Variants in BMP5 observed in about 807,000 individuals in gnomAD.
The protein encoded by BMP5 is bone morphogenetic protein 5.
In BMP5, 23 loss-of-function variants were observed where a neutral mutation model predicts 46.6. That is an observed-to-expected ratio of 0.49 (90% CI 0.35 to 0.70). The LOEUF is 0.70. BMP5 is among the 30% of genes least tolerant of loss of function. The pLI, the probability that BMP5 is intolerant of heterozygous loss-of-function variation, is 0.00. For missense variants in BMP5, 545 were observed against 565.6 expected (o/e 0.96, Z 0.37); for synonymous variants, 204 against 191.9 (o/e 1.06, Z -0.52).
intron 4 of BMP5, among the ~76,000 whole-genome samples, 185 bp from the exon 5 acceptor site, chr6:55,760,718 TTTC>T (rs1208771096): frequency 2.6e-5 from 4 of 151,966 alleles, no homozygotes; most frequent in Non-Finnish European, 4.4e-5. Flanking sequence ...TTGTCCTGAG[TTTC>T]TTCTTCTGTG....
chr6:55,791,030 A>G (rs1369134108), intron 3 of BMP5, among the ~76,000 whole-genome samples: 1 of 152,250 alleles, frequency 6.6e-6, no homozygotes, highest in African/African-American at 2.4e-5. Context: ...TAGTTTACAA[A>G]TGAATTTGAA....
chr6:55,813,741 T>C (rs1225868693), intron 2 of BMP5, among the ~76,000 whole-genome samples: 1 of 149,410 alleles, frequency 6.7e-6, no homozygotes, highest in Non-Finnish European at 1.5e-5. Context: ...GAGCAGAGAT[T>C]GCGCCACTGC....
intron 3 of BMP5, among the ~76,000 whole-genome samples, chr6:55,779,410 G>A (rs546090075): frequency 1.3e-5 from 2 of 151,956 alleles, no homozygotes; most frequent in Non-Finnish European, 2.9e-5. Context: ...AGTCAAATCA[G>A]TGTATTATCT....
At chr6:55,773,911 G>T in intron 4 of BMP5, 138 bp downstream of exon 4, 1 of 941,088 alleles carries the variant, frequency 1.1e-6, no homozygotes, top group Non-Finnish European at 1.7e-6. Flanking sequence ...AACATTCTGG[G>T]ATGCTAGAAA....
Position 55,772,661 on chromosome 6 carries a change from A to T in BMP5, c.1027+1388T>A, listed in dbSNP as rs1487665667. Reference sequence around the variant, plus strand: ...AACTAAATATCTTGTGAATATCTTTAAAAAATAGCGTTGTAATAAGGCACT... The same window carrying T: ...AACTAAATATCTTGTGAATATCTTTTAAAAATAGCGTTGTAATAAGGCACT... On this transcript the variant is annotated intron_variant, in intron 4 of 6. Transcript: ENST00000370830. 3 of 699,818 alleles carry T rather than the reference A, an allele frequency of 4.3e-6. No individual in the cohort carries two copies. The South Asian group carries it at 1.9e-4, about 45-fold the overall frequency. The allele number at this position is 699,818 out of a possible 1,614,324, so 43.4% of individuals were successfully genotyped here.
At chr6:55,810,050 T>A (rs1366808428) in intron 2 of BMP5, among the ~76,000 whole-genome samples, 1 of 152,178 alleles carries the variant, frequency 6.6e-6, no homozygotes, top group Non-Finnish European at 1.5e-5. Flanking sequence ...TTCAAGAGAC[T>A]ACAAATTAAT....
chr6:55,757,534 C>A (rs945653888), intron 6 of BMP5, among the ~76,000 whole-genome samples: 1 of 151,874 alleles, frequency 6.6e-6, no homozygotes, highest in Non-Finnish European at 1.5e-5. Flanking sequence ...AGTTTGAATG[C>A]AAAACATCCA....
At chr6:55,817,903 A>G (rs1776315399) in intron 2 of BMP5, among the ~76,000 whole-genome samples, 1 of 152,168 alleles carries the variant, frequency 6.6e-6, no homozygotes, top group African/African-American at 2.4e-5. Context: ...CATAATGGAA[A>G]CCCTGATGAG....
At chr6:55,856,009 G>C (rs930917436) in intron 1 of BMP5, among the ~76,000 whole-genome samples, 2 of 152,128 alleles carry the variant, frequency 1.3e-5, no homozygotes, top group Admixed American at 6.5e-5. Flanking sequence ...ATACAGAATA[G>C]TTCCATTACC....
At chr6:55,840,768 T>G (rs2127545421) in intron 1 of BMP5, among the ~76,000 whole-genome samples, 1 of 152,334 alleles carries the variant, frequency 6.6e-6, no homozygotes, top group Non-Finnish European at 1.5e-5. Flanking sequence ...ATGTAATGTG[T>G]CTTTTTTCCT....
intron 4 of BMP5, among the ~76,000 whole-genome samples, chr6:55,766,573 CTAATCAT>C (rs1245655918): frequency 6.6e-6 from 1 of 152,030 alleles, no homozygotes; most frequent in Admixed American, 6.6e-5. Context: ...ATACTAGACC[CTAATCAT>C]TATTTGAGTT....
At chr6:55,776,825 T>G (rs1002413371) in intron 3 of BMP5, among the ~76,000 whole-genome samples, 4 of 151,970 alleles carry the variant, frequency 2.6e-5, no homozygotes, top group African/African-American at 9.7e-5. Context: ...GGGGGTTTCT[T>G]TTGTTATTAT....
At chr6:55,866,264 G>A (rs183556552) in intron 1 of BMP5, among the ~76,000 whole-genome samples, 4 of 152,240 alleles carry the variant, frequency 2.6e-5, no homozygotes, top group African/African-American at 9.6e-5. Flanking sequence ...GAGTGGCTCT[G>A]GCCTCAAGGT....
chr6:55,763,764 C>T (rs1774841202), intron 4 of BMP5, among the ~76,000 whole-genome samples: 1 of 152,132 alleles, frequency 6.6e-6, no homozygotes. Context: ...TAATATTTCT[C>T]TGTTTTGTCT....
chr6:55,760,359 T>C, intron 5 of BMP5, 98 bp downstream of exon 5: 4 of 1,038,706 alleles, frequency 3.9e-6, no homozygotes, highest in Non-Finnish European at 6.0e-6. Context: ...CAAAAATCAT[T>C]GGGTATTATA....
intron 2 of BMP5, among the ~76,000 whole-genome samples, chr6:55,811,003 A>G (rs1776122168): frequency 6.6e-6 from 1 of 152,230 alleles, no homozygotes; most frequent in Admixed American, 6.5e-5. Context: ...CCTCTAAAAT[A>G]GAGCATGATC....
chr6:55,832,832 C>T (rs1173487556), intron 1 of BMP5, among the ~76,000 whole-genome samples: 1 of 151,978 alleles, frequency 6.6e-6, no homozygotes, highest in Non-Finnish European at 1.5e-5. Context: ...AGTCATAGTA[C>T]AGGTGCAGTG....
At chr6:55,785,080 C>A (rs1775414887) in intron 3 of BMP5, among the ~76,000 whole-genome samples, 1 of 151,722 alleles carries the variant, frequency 6.6e-6, no homozygotes, top group Non-Finnish European at 1.5e-5. Context: ...TTGTCCATCA[C>A]AGGAAATGCA....
chr6:55,773,112 A>G (rs1173544044), intron 4 of BMP5, among the ~76,000 whole-genome samples: 1 of 151,898 alleles, frequency 6.6e-6, no homozygotes, highest in Non-Finnish European at 1.5e-5. Context: ...GGAATCATGT[A>G]TCTTTTGCTT....
Sources: allele counts gnomAD v4.1 joint callset (sites outside exome capture counted in the v4.1 genomes callset), GRCh38; gene constraint gnomAD v4.1.1; transcripts MANE v1.5; gene names NCBI Gene and HGNC (gene_info 2026-07-23, HGNC 2026-07-21).